The following NELL1 variants were observed in gnomAD, a reference collection of about 807,000 sequenced individuals.
NELL1 encodes neural EGFL like 1, also known as protein kinase C-binding protein NELL1.
A neutral mutation model predicts 107.4 loss-of-function variants in NELL1; 76 were observed. The observed-to-expected ratio is 0.71, with a 90% CI of 0.59 to 0.86. The LOEUF (loss-of-function observed/expected upper bound fraction) is 0.86. Ranked by LOEUF, NELL1 falls within the 40% of genes least tolerant of loss-of-function variation. The pLI, the probability that NELL1 is intolerant of heterozygous loss-of-function variation, is 0.00. For synonymous variants in NELL1, 353 were observed against 341.2 expected (o/e 1.03, Z -0.38); for missense variants, 1,024 against 1,005.5 (o/e 1.02, Z -0.25).
chr11:21,324,914 T>C (rs1850094634), intron 14 of NELL1, among the ~76,000 whole-genome samples: 1 of 152,090 alleles, frequency 6.6e-6, no homozygotes, highest in African/African-American at 2.4e-5. Flanking sequence ...TATGTGTTTG[T>C]GTTTCCCCTT....
In NELL1 at chr11:21,573,330, T is replaced by G; in HGVS notation, c.2303T>G (p.Leu768Arg). 6.2e-7 allele frequency: 1 copy of G among 1,612,514 alleles called. No homozygotes were observed. The highest frequency in any genetic ancestry group is 8.5e-7 in the Non-Finnish European group (1 of 1,178,992). The change falls in exon 19 of 20, where the codon CTG becomes CGG. Residue 768 changes from leucine (L) to arginine (R), a missense_variant. Leu to Arg is a moderately radical substitution (Grantham distance 102). Transcript: ENST00000357134. The stretch of plus-strand genomic sequence containing the variant: ...ACCTATGACATCAGAAAAACTTGCC[T>G]GGACAGCTATGGTGTTTCACGGCTT... ...NITYDIRKTC[L>R]DSYGVSRLSG...
At chr11:21,378,756 C>T (rs113070384) in intron 15 of NELL1, among the ~76,000 whole-genome samples, 4,221 of 148,480 alleles carry the variant, frequency 0.028, 72 homozygotes, top group South Asian at 0.056. Context: ...CTCACTCCAT[C>T]GCCCTGGCTG....
intron 12 of NELL1, among the ~76,000 whole-genome samples, chr11:21,008,705 G>A (rs1305729848): frequency 6.6e-6 from 1 of 152,052 alleles, no homozygotes; most frequent in African/African-American, 2.4e-5. Context: ...TCCCAGGCAA[G>A]AATGAGGGGC....
At chr11:20,823,411 G>A (rs1857804092) in intron 3 of NELL1, among the ~76,000 whole-genome samples, 1 of 151,248 alleles carries the variant, frequency 6.6e-6, no homozygotes, top group African/African-American at 2.4e-5. Flanking sequence ...AATTCAAGGT[G>A]AGATTTGGGT....
chr11:20,715,956 A>G (rs1336267033), intron 2 of NELL1, among the ~76,000 whole-genome samples: 2 of 152,252 alleles, frequency 1.3e-5, no homozygotes, highest in East Asian at 3.8e-4. Context: ...TCTGATTCTA[A>G]TTAGGATTTA....
chr11:20,669,860 G>A lies in NELL1; in HGVS notation c.55+82G>A, dbSNP rs1853852348. The A allele has an allele frequency of 1.7e-6, 2 of 1,191,536 alleles. No homozygotes were observed. The highest frequency in any genetic ancestry group is 2.5e-6 in the Non-Finnish European group (2 of 798,200). The allele number at this position is 1,191,536 out of a possible 1,614,324, so 73.8% of individuals were successfully genotyped here. Reference sequence around the variant, plus strand: ...CGGCGGCGTGGGGAGACCTGGAGCCGAGCTTTGCGCTGGTCTGGGGAACGG... The same window carrying A: ...CGGCGGCGTGGGGAGACCTGGAGCCAAGCTTTGCGCTGGTCTGGGGAACGG... On this transcript the variant is annotated intron_variant, in intron 1 of 19. Transcript: ENST00000357134. The surrounding 1 kb of genome is among the most constrained non-coding windows in gnomAD (Gnocchi z 4.4).
intron 13 of NELL1, among the ~76,000 whole-genome samples, chr11:21,172,930 G>T (rs1856637552): frequency 6.6e-6 from 1 of 151,520 alleles, no homozygotes; most frequent in Admixed American, 6.6e-5. Flanking sequence ...GTCTGTGTGT[G>T]TGTGTGTGTG....
chr11:21,529,239 A>G (rs1014375433), intron 15 of NELL1, among the ~76,000 whole-genome samples: 3 of 152,170 alleles, frequency 2.0e-5, no homozygotes, highest in Non-Finnish European at 2.9e-5. Flanking sequence ...GTGAGCAGGT[A>G]GAAATATTCT....
chr11:20,832,108 C>T (rs1175065217), intron 3 of NELL1, among the ~76,000 whole-genome samples: 1 of 152,148 alleles, frequency 6.6e-6, no homozygotes, highest in African/African-American at 2.4e-5. Flanking sequence ...ACTAATGGCC[C>T]CCTGAGATAT....
intron 15 of NELL1, among the ~76,000 whole-genome samples, chr11:21,427,340 G>A (rs1393433781): frequency 6.6e-6 from 1 of 152,192 alleles, no homozygotes; most frequent in Non-Finnish European, 1.5e-5. Context: ...ACAAAATGTA[G>A]CACAGATGAG....
chr11:21,361,753 T>G (rs79155501), intron 14 of NELL1, among the ~76,000 whole-genome samples: 2,559 of 152,246 alleles, frequency 0.017, 43 homozygotes, highest in African/African-American at 0.04. Flanking sequence ...TGAAGCTCCT[T>G]CTTCTACTTG....
intron 2 of NELL1, among the ~76,000 whole-genome samples, chr11:20,759,536 C>A (rs568219699): frequency 1.3e-5 from 2 of 152,160 alleles, no homozygotes; most frequent in Non-Finnish European, 2.9e-5. Context: ...GTGTTTTGTG[C>A]GTCATCTCAG....
rs183606795 is a variant in NELL1, at chr11:20,824,875, A to C, written c.336-22708A>C. Among the ~76,000 whole-genome samples, 57 of 151,528 alleles carry C rather than the reference A, an allele frequency of 3.8e-4. 3 individuals carry two copies. The highest frequency in any genetic ancestry group is 7.2e-4 in the Non-Finnish European group (49 of 67,604). On this transcript the variant is annotated intron_variant, in intron 3 of 19. Coordinates refer to ENST00000357134, the MANE Select transcript of NELL1 (RefSeq NM_006157.5). The stretch of plus-strand genomic sequence containing the variant: ...GCGATAGAAAAAATCCATTTTGGGG[A>C]GAAATTCAAACCAGCTGCAGACATT...
chr11:20,903,285 G>T (rs1849918927), intron 5 of NELL1, among the ~76,000 whole-genome samples: 1 of 152,014 alleles, frequency 6.6e-6, no homozygotes, highest in African/African-American at 2.4e-5. Context: ...GGTGTGTCTT[G>T]TTCTGTAGCT....
intron 5 of NELL1, among the ~76,000 whole-genome samples, chr11:20,904,479 G>C (rs1306653397): frequency 6.6e-6 from 1 of 152,162 alleles, no homozygotes; most frequent in Non-Finnish European, 1.5e-5. Context: ...TGGGGCCAAA[G>C]AGTATGGTTG....
In NELL1 at chr11:20,809,794, A is replaced by G. The variant is rs78129835; in HGVS notation, c.335+25964A>G. Among the ~76,000 whole-genome samples, 310 of 152,298 alleles carry G rather than the reference A, an allele frequency of 2.0e-3. 10 individuals are homozygous for G. The East Asian group carries it at 0.052, about 26-fold the overall frequency. ...ATTGATGGACATTTATACTGATTCC[A>G]TATCTTGGCTATTGTGAATAATGCT... is the stretch of plus-strand genomic sequence containing the variant. On this transcript the variant is annotated intron_variant, in intron 3 of 19. Transcript: ENST00000357134.
chr11:20,669,594 C>T lies in NELL1; in HGVS notation c.-130C>T, dbSNP rs1853840825. ...GCATATGCGAGCGCAGCACCCGGCG[C>T]TGCCGAGCCACCTCCCCCGCCGCCC... is the stretch of plus-strand genomic sequence containing the variant. On this transcript the variant is annotated 5_prime_UTR_variant, in exon 1 of 20. Coordinates refer to ENST00000357134, the MANE Select transcript of NELL1 (RefSeq NM_006157.5). The surrounding 1 kb of genome is among the most constrained non-coding windows in gnomAD (Gnocchi z 4.4). The T allele has an allele frequency of 6.0e-5, 42 of 703,918 alleles. No individual in the cohort carries two copies. Among genetic ancestry groups the T allele is most frequent in the Non-Finnish European group, 9.7e-5 (40 of 412,902 alleles). The allele number at this position is 703,918 out of a possible 1,614,324, so 43.6% of individuals were successfully genotyped here. A position where few individuals can be genotyped will look rare whatever the true frequency, so the allele number is the denominator to read the frequency against.
At chr11:20,724,789 C>G (rs886629600) in intron 2 of NELL1, among the ~76,000 whole-genome samples, 8 of 152,158 alleles carry the variant, frequency 5.3e-5, no homozygotes, top group African/African-American at 1.9e-4. Flanking sequence ...ATCTTTATAG[C>G]AGTACCCCAC....
At chr11:21,474,677 G>A (rs1454859850) in intron 15 of NELL1, among the ~76,000 whole-genome samples, 1 of 152,002 alleles carries the variant, frequency 6.6e-6, no homozygotes, top group Non-Finnish European at 1.5e-5. Context: ...CCCTTGTATT[G>A]TAGAGAGTTT....
Sources: allele counts gnomAD v4.1 joint callset (sites outside exome capture counted in the v4.1 genomes callset), GRCh38; gene constraint gnomAD v4.1.1; non-coding constraint Gnocchi (gnomAD v3.1); transcripts MANE v1.5; gene names NCBI Gene and HGNC (gene_info 2026-07-23, HGNC 2026-07-21).